Variants in FAM13A observed in about 807,000 individuals in gnomAD.
FAM13A encodes the protein protein FAM13A.
In FAM13A, 76 loss-of-function variants were observed where a neutral mutation model predicts 129.6. That is an observed-to-expected ratio of 0.59 (90% CI 0.49 to 0.71). FAM13A has a LOEUF of 0.71. Among genes scored for constraint, FAM13A ranks in the 30% least tolerant of loss-of-function variants. The pLI is 0.00. For missense variants in FAM13A, 1,108 were observed against 1,249.3 expected, an observed-to-expected ratio of 0.89 and a Z score of 1.70; for synonymous variants, 443 against 449.9, an observed-to-expected ratio of 0.98 and a Z score of 0.20.
At chr4:89,055,451 G>C (rs1772103842) in intron 1 of FAM13A, among the ~76,000 whole-genome samples, 1 of 152,062 alleles carries the variant, frequency 6.6e-6, no homozygotes, top group South Asian at 2.1e-4. Flanking sequence ...ACATGCTTTG[G>C]ATATAAATTA....
At chr4:88,949,978 C>T (rs1028991750) in intron 4 of FAM13A, among the ~76,000 whole-genome samples, 16 of 152,072 alleles carry the variant, frequency 1.1e-4, no homozygotes, top group African/African-American at 3.6e-4. Flanking sequence ...ATTTTGGATA[C>T]GTTGGAAAAA....
chr4:88,802,855 C>G (rs1432251621), intron 8 of FAM13A, among the ~76,000 whole-genome samples: 1 of 152,128 alleles, frequency 6.6e-6, no homozygotes, highest in Non-Finnish European at 1.5e-5. Context: ...CATGTGATCT[C>G]CTATACCCGA....
chr4:88,858,756 T>C (rs1578990238), intron 6 of FAM13A, among the ~76,000 whole-genome samples: 1 of 152,174 alleles, frequency 6.6e-6, no homozygotes, highest in Non-Finnish European at 1.5e-5. Flanking sequence ...TAACTGCAAA[T>C]GGGTATGGGG....
chr4:88,787,656 A>C, intron 10 of FAM13A, 97 bp downstream of exon 10: 2 of 1,103,222 alleles, frequency 1.8e-6, no homozygotes, highest in Non-Finnish European at 2.6e-6. Flanking sequence ...ATGGGAGAGG[A>C]CCAGGAGGTA....
chr4:88,858,743 A>G (rs951255542), intron 6 of FAM13A, among the ~76,000 whole-genome samples: 3 of 152,192 alleles, frequency 2.0e-5, no homozygotes, highest in African/African-American at 7.2e-5. Flanking sequence ...GGAGGAGGGG[A>G]AGTAACTGCA....
intron 3 of FAM13A, among the ~76,000 whole-genome samples, chr4:88,997,511 T>TAAAGCG (rs1763707691): frequency 6.6e-6 from 1 of 152,058 alleles, no homozygotes; most frequent in Non-Finnish European, 1.5e-5. Flanking sequence ...TTGTTCCAGG[T>TAAAGCG]TAAGCAGCAA....
chr4:88,853,972 G>A (rs1371363467), intron 6 of FAM13A, among the ~76,000 whole-genome samples: 2 of 152,116 alleles, frequency 1.3e-5, no homozygotes, highest in Non-Finnish European at 2.9e-5. Context: ...AGGGGCTCTT[G>A]GGCCTTTGGC....
At chr4:88,796,627 A>G (rs2149700982) in intron 8 of FAM13A, among the ~76,000 whole-genome samples, 1 of 151,888 alleles carries the variant, frequency 6.6e-6, no homozygotes, top group East Asian at 1.9e-4. Context: ...ATAATACCGT[A>G]GATATGTTTA....
In FAM13A at chr4:88,727,534, A is replaced by C. The variant is rs929159437; in HGVS notation, c.*999T>G. 1 of 150,826 alleles carries C rather than the reference A, an allele frequency of 6.6e-6. No individual in the cohort carries two copies. Among genetic ancestry groups the C allele is most frequent in the African/African-American group, 2.4e-5 (1 of 41,032 alleles). The allele number at this position is 150,826 out of a possible 1,614,324, so 9.3% of individuals were successfully genotyped here. A position where few individuals can be genotyped will look rare whatever the true frequency, so the allele number is the denominator to read the frequency against. On this transcript the variant is annotated 3_prime_UTR_variant, in exon 24 of 24. Coordinates refer to ENST00000264344, the MANE Select transcript of FAM13A (RefSeq NM_014883.4). Reference sequence around the variant, plus strand: ...CCTGTCAGTTTGGGGATTTTAGTGCAGATTTTTTTTAAAAAAATTAAACTC... The same window carrying C: ...CCTGTCAGTTTGGGGATTTTAGTGCCGATTTTTTTTAAAAAAATTAAACTC...
intron 6 of FAM13A, among the ~76,000 whole-genome samples, chr4:88,872,645 T>C (rs1380054458): frequency 1.3e-5 from 2 of 152,172 alleles, no homozygotes; most frequent in African/African-American, 2.4e-5. Context: ...AGCAAGTCCT[T>C]AGACACCTGC....
At chr4:89,003,051 T>C (rs1764471261) in intron 3 of FAM13A, among the ~76,000 whole-genome samples, 1 of 152,030 alleles carries the variant, frequency 6.6e-6, no homozygotes, top group East Asian at 1.9e-4. Flanking sequence ...AGAAAATACT[T>C]TCCAATCTGA....
chr4:88,891,950 G>A (rs546634259), intron 6 of FAM13A, among the ~76,000 whole-genome samples: 59 of 152,260 alleles, frequency 3.9e-4, no homozygotes, highest in African/African-American at 1.3e-3. Context: ...GCCGAGGTGG[G>A]AGGAGTGCTT....
chr4:88,761,858 TG>T (rs1173269710), intron 13 of FAM13A, among the ~76,000 whole-genome samples: 1 of 152,324 alleles, frequency 6.6e-6, no homozygotes, highest in African/African-American at 2.4e-5. Flanking sequence ...ATTTGCTAGA[TG>T]TTTTTTTCAC....
At chr4:88,747,322 T>TA (rs947916341) in intron 18 of FAM13A, among the ~76,000 whole-genome samples, 1 of 152,162 alleles carries the variant, frequency 6.6e-6, no homozygotes, top group African/African-American at 2.4e-5. Flanking sequence ...TGACGACGGT[T>TA]ATACGTTACA....
intron 5 of FAM13A, chr4:88,936,569 C>T (rs181822301): frequency 6.5e-6 from 1 of 152,744 alleles, no homozygotes; most frequent in Admixed American, 6.5e-5. Flanking sequence ...CACCAGGCCC[C>T]AGCTCCAACA....
intron 6 of FAM13A, among the ~76,000 whole-genome samples, chr4:88,868,778 A>G (rs1169259135): frequency 6.6e-6 from 1 of 152,180 alleles, no homozygotes; most frequent in Non-Finnish European, 1.5e-5. Context: ...TAGTCAATAC[A>G]TATATAATCT....
intron 10 of FAM13A, among the ~76,000 whole-genome samples, chr4:88,785,391 T>C (rs895393926): frequency 1.3e-5 from 2 of 152,154 alleles, no homozygotes; most frequent in African/African-American, 4.8e-5. Flanking sequence ...GTAGGCTATA[T>C]TAATGATTCT....
At chr4:88,853,478 G>C (rs1737967130) in intron 6 of FAM13A, among the ~76,000 whole-genome samples, 1 of 152,100 alleles carries the variant, frequency 6.6e-6, no homozygotes, top group Admixed American at 6.6e-5. Flanking sequence ...TTTTGCATGT[G>C]ATTATTTTTC....
intron 14 of FAM13A, among the ~76,000 whole-genome samples, chr4:88,752,222 G>C (rs142233203): frequency 6.6e-6 from 1 of 152,190 alleles, no homozygotes; most frequent in African/African-American, 2.4e-5. Flanking sequence ...GTGCAGCCAG[G>C]TTTGAGAACG....
Sources: gnomAD v4.1 joint callset for allele counts (sites outside exome capture counted in the v4.1 genomes callset) on GRCh38, gnomAD v4.1.1 for gene constraint, MANE v1.5 for transcripts, NCBI Gene and HGNC (gene_info 2026-07-23, HGNC 2026-07-21) for gene names.